The following TNFSF4 variants were observed in gnomAD, a reference collection of about 807,000 sequenced individuals.
The protein encoded by TNFSF4 is tumor necrosis factor ligand superfamily member 4.
A neutral mutation model predicts 7.3 loss-of-function variants in TNFSF4; 4 were observed. The observed-to-expected ratio is 0.55, with a 90% CI of 0.27 to 1.25. The LOEUF (loss-of-function observed/expected upper bound fraction) is 1.25. Ranked by LOEUF, TNFSF4 falls within the 50% of genes most tolerant of loss-of-function variation. The pLI, the probability that TNFSF4 is intolerant of heterozygous loss-of-function variation, is 0.12. For synonymous variants in TNFSF4, 76 were observed against 83.7 expected, an observed-to-expected ratio of 0.91 and a Z score of 0.50; for missense variants, 181 against 208.8, an observed-to-expected ratio of 0.87 and a Z score of 0.82.
At chr1:173,364,713 CTT>C in the TNFSF4 span, among the ~76,000 whole-genome samples, 2 of 152,044 alleles carry the variant, frequency 1.3e-5, no homozygotes, top group East Asian at 3.9e-4. Context: ...GTTCGGTACT[CTT>C]TGGTCTCTCC....
intron 2 of TNFSF4, 33 bp downstream of exon 2, chr1:173,188,488 A>C: frequency 6.5e-7 from 1 of 1,526,964 alleles, no homozygotes; most frequent in Admixed American, 1.7e-5. Context: ...TCTTTCAAAA[A>C]TATGAATCAA....
At chr1:173,356,668 T>G in the TNFSF4 span, among the ~76,000 whole-genome samples, 2 of 152,352 alleles carry the variant, frequency 1.3e-5, no homozygotes, top group Admixed American at 1.3e-4. Context: ...TCTTTAATGT[T>G]AATGTTTCAA....
chr1:173,430,356 T>C, the TNFSF4 span, among the ~76,000 whole-genome samples: 1 of 152,254 alleles, frequency 6.6e-6, no homozygotes, highest in Non-Finnish European at 1.5e-5. Context: ...GCATGTTTAA[T>C]GTAAATAACT....
the TNFSF4 span, among the ~76,000 whole-genome samples, chr1:173,447,515 C>T: frequency 6.6e-6 from 1 of 152,082 alleles, no homozygotes. Context: ...ACTCTCTGTA[C>T]TTTTCACTCA....
At chr1:173,235,501 T>C in the TNFSF4 span, among the ~76,000 whole-genome samples, 2 of 152,192 alleles carry the variant, frequency 1.3e-5, no homozygotes, top group African/African-American at 4.8e-5. Flanking sequence ...TCCCTTACTA[T>C]GCATGTGTTC....
chr1:173,448,225 C>T, the TNFSF4 span, among the ~76,000 whole-genome samples: 1 of 152,104 alleles, frequency 6.6e-6, no homozygotes, highest in Non-Finnish European at 1.5e-5. Flanking sequence ...AAAATCAGTA[C>T]CAACAGATGA....
At chr1:173,402,638 A>C in the TNFSF4 span, among the ~76,000 whole-genome samples, 1 of 152,180 alleles carries the variant, frequency 6.6e-6, no homozygotes, top group African/African-American at 2.4e-5. Context: ...ATCCTGCTTC[A>C]AGGTCATCAC....
the TNFSF4 span, among the ~76,000 whole-genome samples, chr1:173,435,276 TAAG>T: frequency 6.6e-6 from 1 of 152,140 alleles, no homozygotes; most frequent in Admixed American, 6.5e-5. Flanking sequence ...AAGGAGCAAA[TAAG>T]AACATTCTAA....
intron 1 of TNFSF4, among the ~76,000 whole-genome samples, chr1:173,195,536 A>G (rs1337341315): frequency 3.3e-5 from 5 of 152,196 alleles, no homozygotes; most frequent in African/African-American, 4.8e-5. Context: ...AAAGTGTCTG[A>G]TATCTGGCAT....
the TNFSF4 span, among the ~76,000 whole-genome samples, chr1:173,398,291 C>G: frequency 2.6e-5 from 4 of 151,908 alleles, no homozygotes; most frequent in Admixed American, 2.0e-4. Flanking sequence ...CATTGAGGAC[C>G]TAGTGAGCAA....
the TNFSF4 span, among the ~76,000 whole-genome samples, chr1:173,293,287 G>A: frequency 9.2e-5 from 14 of 151,960 alleles, no homozygotes; most frequent in African/African-American, 2.4e-4. Context: ...ACAGACCAAC[G>A]GAACTGCATA....
At chr1:173,305,421 C>G in the TNFSF4 span, among the ~76,000 whole-genome samples, 1 of 151,854 alleles carries the variant, frequency 6.6e-6, no homozygotes, top group Admixed American at 6.6e-5. Context: ...TCAAATGAAC[C>G]TTTAAGCCCC....
At chr1:173,310,921 G>A in the TNFSF4 span, among the ~76,000 whole-genome samples, 1 of 151,864 alleles carries the variant, frequency 6.6e-6, no homozygotes, top group East Asian at 1.9e-4. Context: ...TAATATAGCT[G>A]CATCAGGTTT....
At chr1:173,223,627 G>A in the TNFSF4 span, among the ~76,000 whole-genome samples, 8 of 152,312 alleles carry the variant, frequency 5.3e-5, no homozygotes, top group South Asian at 4.1e-4. Flanking sequence ...AAATGCCTAC[G>A]AAGGTTAGGA....
the TNFSF4 span, among the ~76,000 whole-genome samples, chr1:173,372,340 A>G: frequency 6.6e-6 from 1 of 152,226 alleles, no homozygotes; most frequent in Non-Finnish European, 1.5e-5. Context: ...GCAAATACTC[A>G]TCTAGTAGAA....
the TNFSF4 span, among the ~76,000 whole-genome samples, chr1:173,238,140 A>C: frequency 6.6e-6 from 1 of 152,230 alleles, no homozygotes; most frequent in Non-Finnish European, 1.5e-5. Flanking sequence ...CAAAGGTGAC[A>C]AAAACAAGCA....
the TNFSF4 span, among the ~76,000 whole-genome samples, chr1:173,380,703 A>AT: frequency 6.6e-6 from 1 of 151,926 alleles, no homozygotes; most frequent in African/African-American, 2.4e-5. Context: ...ATACAGAACA[A>AT]TTTTTTCTCC....
At chr1:173,298,886 A>G in the TNFSF4 span, among the ~76,000 whole-genome samples, 5 of 152,060 alleles carry the variant, frequency 3.3e-5, no homozygotes, top group East Asian at 9.7e-4. Context: ...AGCAAATCAC[A>G]CTGGATAAAT....
At chr1:173,364,087 G>A in the TNFSF4 span, among the ~76,000 whole-genome samples, 1 of 151,958 alleles carries the variant, frequency 6.6e-6, no homozygotes, top group Non-Finnish European at 1.5e-5. Flanking sequence ...ACTCATAAAT[G>A]TGTACAAAGA....
Sources: allele counts gnomAD v4.1 joint callset (sites outside exome capture counted in the v4.1 genomes callset), GRCh38; gene constraint gnomAD v4.1.1; transcripts MANE v1.5; gene names NCBI Gene and HGNC (gene_info 2026-07-23, HGNC 2026-07-21).